The following FBXL7 variants were observed in gnomAD, a reference collection of about 807,000 sequenced individuals.
FBXL7 encodes F-box and leucine rich repeat protein 7.
A neutral mutation model predicts 38.3 loss-of-function variants in FBXL7; 12 were observed. That is an observed-to-expected ratio of 0.31 (90% CI 0.20 to 0.51). The LOEUF (loss-of-function observed/expected upper bound fraction) is 0.51, where lower values mean the gene tolerates loss of function less well. FBXL7 is among the 20% of genes least tolerant of loss of function. FBXL7 has a pLI of 0.98. For synonymous variants in FBXL7, 297 were observed against 300.9 expected (o/e 0.99, Z 0.13); for missense variants, 567 against 676.4 (o/e 0.84, Z 1.79).
At chr5:15,742,133 G>A (rs1020518573) in intron 2 of FBXL7, among the ~76,000 whole-genome samples, 2 of 152,076 alleles carry the variant, frequency 1.3e-5, no homozygotes, top group African/African-American at 4.8e-5. Context: ...ACTTAATAAG[G>A]GGAGATTTAT....
At chr5:15,575,171 T>C (rs1426572498) in intron 1 of FBXL7, among the ~76,000 whole-genome samples, 1 of 152,178 alleles carries the variant, frequency 6.6e-6, no homozygotes, top group Admixed American at 6.5e-5. Context: ...TGGGAGTCCC[T>C]GGATCAGAAA....
chr5:15,639,648 A>C (rs1179033878), intron 2 of FBXL7, among the ~76,000 whole-genome samples: 2 of 152,082 alleles, frequency 1.3e-5, no homozygotes, highest in East Asian at 3.9e-4. Context: ...TACAAAACTC[A>C]AGTTTCTCAT....
chr5:15,538,170 C>G (rs1487081508), intron 1 of FBXL7, among the ~76,000 whole-genome samples: 2 of 152,064 alleles, frequency 1.3e-5, no homozygotes, highest in Non-Finnish European at 2.9e-5. Flanking sequence ...AGTGGAGGAC[C>G]AAAATAAATT....
At position 15,521,953 on chromosome 5, in the gene FBXL7, C is replaced by A. The variant is rs578171524; in HGVS notation, c.37+21240C>A. ...AGCTTTTAATAGTAATTAGAAAATA[C>A]CATTTTCATTGCTGTTATATTTCAT... On this transcript the variant is annotated intron_variant, in intron 1 of 3. Transcript: ENST00000504595. Among the ~76,000 whole-genome samples the A allele has an allele frequency of 8.0e-4, 122 of 152,292 alleles. 1 individual carries two copies. The South Asian group carries it at 0.024, about 30-fold the overall frequency.
At chr5:15,550,434 G>A (rs1738031981) in intron 1 of FBXL7, among the ~76,000 whole-genome samples, 1 of 152,114 alleles carries the variant, frequency 6.6e-6, no homozygotes, top group African/African-American at 2.4e-5. Flanking sequence ...ATAAAAATAG[G>A]CCAAAGGATA....
At chr5:15,623,544 A>G (rs923001024) in intron 2 of FBXL7, among the ~76,000 whole-genome samples, 1 of 152,208 alleles carries the variant, frequency 6.6e-6, no homozygotes, top group Non-Finnish European at 1.5e-5. Flanking sequence ...TCAGTTCTAA[A>G]TAGGATTATT....
chr5:15,669,177 A>G (rs750213787), intron 2 of FBXL7, among the ~76,000 whole-genome samples: 8 of 152,206 alleles, frequency 5.3e-5, no homozygotes, highest in Non-Finnish European at 1.2e-4. Flanking sequence ...GTAGCCTATC[A>G]ATAATTTTTT....
At position 15,880,761 on chromosome 5, in the gene FBXL7, A is replaced by G. The variant is rs937139614; in HGVS notation, c.128-47129A>G. Among the ~76,000 whole-genome samples, 3 of 147,636 alleles carry G rather than the reference A, an allele frequency of 2.0e-5. No individual in the cohort carries two copies. The Admixed American group carries it at 2.0e-4, about 10-fold the overall frequency. On this transcript the variant is annotated intron_variant, in intron 2 of 3. Coordinates refer to ENST00000504595, the MANE Select transcript of FBXL7 (RefSeq NM_012304.5). ...TATAAAGTAATATATACTTAGTAAAATAAATTCAATTCCTGTAAGCCAAGG... is the reference window on the plus strand; with the variant it reads ...TATAAAGTAATATATACTTAGTAAAGTAAATTCAATTCCTGTAAGCCAAGG...
At chr5:15,653,209 A>C (rs1741769047) in intron 2 of FBXL7, among the ~76,000 whole-genome samples, 1 of 152,198 alleles carries the variant, frequency 6.6e-6, no homozygotes, top group African/African-American at 2.4e-5. Flanking sequence ...AGAATTATGA[A>C]AATATAAGAG....
rs991486562 is a variant in FBXL7 at position 15,938,978 on chromosome 5, A to G, written c.*1792A>G. The G allele has an allele frequency of 1.3e-5, 5 of 398,954 alleles. No individual in the cohort carries two copies. Among genetic ancestry groups the G allele is most frequent in the African/African-American group, 1.0e-4 (5 of 48,622 alleles). The allele number at this position is 398,954 out of a possible 1,614,324, so 24.7% of individuals were successfully genotyped here. On this transcript the variant is annotated 3_prime_UTR_variant, in exon 4 of 4. Coordinates refer to ENST00000504595, the MANE Select transcript of FBXL7 (RefSeq NM_012304.5). The stretch of plus-strand genomic sequence containing the variant: ...CATTATCCAAATGCAGAACCTCTGC[A>G]TCTCCAAGCCAGTTATGCTGAATTT...
At chr5:15,572,525 G>C (rs906603620) in intron 1 of FBXL7, among the ~76,000 whole-genome samples, 5 of 152,074 alleles carry the variant, frequency 3.3e-5, no homozygotes, top group Non-Finnish European at 7.4e-5. Flanking sequence ...ATCAAGCTGA[G>C]GCTGCTCACC....
chr5:15,512,132 T>C (rs1207045923), intron 1 of FBXL7, among the ~76,000 whole-genome samples: 1 of 152,206 alleles, frequency 6.6e-6, no homozygotes, highest in East Asian at 1.9e-4. Context: ...CAGTCTTCTC[T>C]TATCCTTTGT....
intron 2 of FBXL7, among the ~76,000 whole-genome samples, chr5:15,899,121 C>T (rs1741174986): frequency 6.6e-6 from 1 of 152,070 alleles, no homozygotes; most frequent in South Asian, 2.1e-4. Flanking sequence ...GGCTGGAGTG[C>T]AATGGTGCAA....
intron 2 of FBXL7, among the ~76,000 whole-genome samples, chr5:15,642,147 A>G (rs1364494143): frequency 1.3e-5 from 2 of 152,180 alleles, no homozygotes; most frequent in South Asian, 2.1e-4. Flanking sequence ...ATGGCTTCCA[A>G]GAAATCTCAG....
chr5:15,571,810 G>A (rs1159055502), intron 1 of FBXL7, among the ~76,000 whole-genome samples: 1 of 152,038 alleles, frequency 6.6e-6, no homozygotes, highest in Non-Finnish European at 1.5e-5. Context: ...GGGTTCAGCC[G>A]TGCCGTCGCA....
At position 15,591,956 on chromosome 5, in the gene FBXL7, C is replaced by T. The variant is rs554790011; in HGVS notation, c.38-24027C>T. Among the ~76,000 whole-genome samples the T allele has an allele frequency of 3.2e-3, 492 of 152,256 alleles. 5 individuals carry two copies. The highest frequency in any genetic ancestry group is 0.011 in the African/African-American group (449 of 41,552). On this transcript the variant is annotated intron_variant, in intron 1 of 3. Transcript: ENST00000504595. ...TGATCTCTTGACCTTGTGATCCGCC[C>T]GCCTTGGCCTCCTGAAGTTCTGGGA...
intron 2 of FBXL7, among the ~76,000 whole-genome samples, chr5:15,639,490 G>A (rs1741289442): frequency 6.6e-6 from 1 of 152,048 alleles, no homozygotes; most frequent in African/African-American, 2.4e-5. Flanking sequence ...TGTCATCCAT[G>A]AAAGATGTGA....
chr5:15,741,359 G>A (rs1735889295), intron 2 of FBXL7, among the ~76,000 whole-genome samples: 1 of 152,136 alleles, frequency 6.6e-6, no homozygotes, highest in South Asian at 2.1e-4. Flanking sequence ...TTTACCCATT[G>A]GATACATGTG....
chr5:15,519,818 A>C (rs1445525087), intron 1 of FBXL7, among the ~76,000 whole-genome samples: 4 of 152,176 alleles, frequency 2.6e-5, no homozygotes, highest in Non-Finnish European at 4.4e-5. Flanking sequence ...CCCTTTTGTT[A>C]CAGGAAAGGA....
Sources: gnomAD v4.1 joint callset for allele counts (sites outside exome capture counted in the v4.1 genomes callset) on GRCh38, gnomAD v4.1.1 for gene constraint, MANE v1.5 for transcripts, NCBI Gene and HGNC (gene_info 2026-07-23, HGNC 2026-07-21) for gene names.